TMEM229B: variants seen among roughly 807,000 people sequenced by gnomAD.
The protein encoded by TMEM229B is chromosome 14 open reading frame 83.
Under a neutral mutation model 13.7 loss-of-function variants are expected in TMEM229B, and 6 were observed. The observed-to-expected ratio is 0.44, with a 90% CI of 0.24 to 0.86. TMEM229B has a LOEUF of 0.86. Among genes scored for constraint, TMEM229B ranks in the 40% least tolerant of loss-of-function variants. The probability of loss-of-function intolerance (pLI) is 0.23; values close to 1 mark genes in which losing one functional copy is unlikely to be tolerated. For missense variants in TMEM229B, 170 were observed against 236.0 expected, an observed-to-expected ratio of 0.72 and a Z score of 1.83; for synonymous variants, 107 against 102.1, an observed-to-expected ratio of 1.05 and a Z score of -0.29.
intron 2 of TMEM229B, among the ~76,000 whole-genome samples, chr14:67,479,803 T>G (rs1458764590): frequency 6.6e-6 from 1 of 152,246 alleles, no homozygotes; most frequent in Non-Finnish European, 1.5e-5. Flanking sequence ...ATGAATTTGC[T>G]AAGCAAATGA....
At chr14:67,484,538 C>T (rs955212213) in intron 2 of TMEM229B, among the ~76,000 whole-genome samples, 3 of 152,190 alleles carry the variant, frequency 2.0e-5, no homozygotes, top group African/African-American at 7.2e-5. Context: ...CCTGTAATCA[C>T]ACATCTTAGA....
intron 1 of TMEM229B, among the ~76,000 whole-genome samples, chr14:67,512,376 A>G (rs916854665): frequency 6.6e-6 from 1 of 152,260 alleles, no homozygotes; most frequent in African/African-American, 2.4e-5. Context: ...TCAGCTCAGA[A>G]CATGAGAATC....
upstream of TMEM229B, among the ~76,000 whole-genome samples, chr14:67,517,134 A>G (rs1036092772): frequency 6.6e-6 from 1 of 152,224 alleles, no homozygotes; most frequent in Admixed American, 6.5e-5. Context: ...CGCAGGAGAC[A>G]GTGTCTCAGG....
chr14:67,508,916 G>T (rs986422596), intron 1 of TMEM229B, among the ~76,000 whole-genome samples: 7 of 152,018 alleles, frequency 4.6e-5, no homozygotes, highest in Non-Finnish European at 8.8e-5. Flanking sequence ...GCTCAGTGTA[G>T]CTGGGACCCC....
Position 67,473,382 on chromosome 14 carries a change from T to C in TMEM229B, c.*38A>G. ...CAGCTTGGTCTCTTTGTCCATGAGT[T>C]CCATGAGAGATCCCCAGGCCCCCCA... is the stretch of plus-strand genomic sequence containing the variant. On this transcript the variant is annotated 3_prime_UTR_variant, in exon 3 of 3. Transcript: ENST00000554480. The surrounding 1 kb of genome is among the most constrained non-coding windows in gnomAD (Gnocchi z 6.5). 1 of 1,601,994 alleles carries C rather than the reference T, an allele frequency of 6.2e-7. No individual in the cohort carries two copies. The highest frequency in any genetic ancestry group is 8.5e-7 in the Non-Finnish European group (1 of 1,174,616).
intron 2 of TMEM229B, among the ~76,000 whole-genome samples, chr14:67,485,205 G>A (rs2031803217): frequency 1.3e-5 from 2 of 152,210 alleles, no homozygotes; most frequent in Non-Finnish European, 2.9e-5. Flanking sequence ...TTGCTCTGGG[G>A]AGATGTGCCT....
chr14:67,530,700 C>CA lies in TMEM229B; in HGVS notation c.-192+2935dup, dbSNP rs566434782. Among the ~76,000 whole-genome samples the CA allele has an allele frequency of 9.2e-5, 14 of 152,258 alleles. No individual in the cohort carries two copies. The South Asian group carries it at 1.9e-3, about 20-fold the overall frequency. On this transcript the variant is annotated intron_variant, in intron 1 of 2. Coordinates refer to the TMEM229B transcript ENST00000554278. ...TTTTATTGGTGAAATAAGCAGTTTT[C>CA]AAAACATGGAGTTGGCCAGGAAGAT...
In TMEM229B at chr14:67,475,636, C is replaced by T. The variant is rs192349803; in HGVS notation, c.-18-1695G>A. Among the ~76,000 whole-genome samples, 3 of 152,294 alleles carry T rather than the reference C, an allele frequency of 2.0e-5. No individual in the cohort carries two copies. The East Asian group carries it at 5.8e-4, about 29-fold the overall frequency. On this transcript the variant is annotated intron_variant, in intron 2 of 2. Transcript: ENST00000554480. ...CATTGTGGTCACATTTGTCTTTGCT[C>T]CATTAAATGGGGTTTTGGTGTTTGG...
upstream of TMEM229B, among the ~76,000 whole-genome samples, chr14:67,517,282 C>G (rs577022764): frequency 1.6e-4 from 24 of 152,328 alleles, no homozygotes; most frequent in East Asian, 4.4e-3. Context: ...GCAGCTGGCT[C>G]TCCCCCAGGC....
chr14:67,483,529 G>A (rs1174760455), intron 2 of TMEM229B, among the ~76,000 whole-genome samples: 2 of 152,320 alleles, frequency 1.3e-5, no homozygotes, highest in Non-Finnish European at 2.9e-5. Flanking sequence ...GAACTTCTAG[G>A]TGGTTCATTA....
At chr14:67,521,974 A>G (rs1180206252) in intron 1 of TMEM229B, among the ~76,000 whole-genome samples, 2 of 152,108 alleles carry the variant, frequency 1.3e-5, no homozygotes, top group Admixed American at 1.3e-4. Context: ...CAAGAGTTCA[A>G]TATCAGCCTG....
upstream of TMEM229B, among the ~76,000 whole-genome samples, chr14:67,489,717 G>A (rs1036185482): frequency 3.9e-5 from 6 of 152,194 alleles, no homozygotes; most frequent in Non-Finnish European, 7.3e-5. Flanking sequence ...GTAGCCGGGC[G>A]CGGTGGCTCA....
intron 2 of TMEM229B, among the ~76,000 whole-genome samples, chr14:67,483,293 G>A (rs979160008): frequency 2.0e-5 from 3 of 152,170 alleles, no homozygotes; most frequent in African/African-American, 7.2e-5. Context: ...TTATAGGCAC[G>A]AGTCACCACA....
Position 67,497,157 on chromosome 14 carries a change from C to T in TMEM229B, c.-191-9985G>A, listed in dbSNP as rs549099146. Among the ~76,000 whole-genome samples, 16 of 152,092 alleles carry T rather than the reference C, an allele frequency of 1.1e-4. No individual in the cohort carries two copies. The South Asian group carries it at 3.1e-3, about 30-fold the overall frequency. ...TTTAAATGGTAAGGAGAAATCACAG[C>T]GAGGGAGAGCTCGTGGGTGGTGTAT... On this transcript the variant is annotated intron_variant, in intron 1 of 2. Transcript: ENST00000357461.
intron 1 of TMEM229B, among the ~76,000 whole-genome samples, chr14:67,508,753 C>CAAAAAAAAAAGAAAAAA (rs2032920422): frequency 2.1e-5 from 1 of 46,714 alleles, no homozygotes; most frequent in Non-Finnish European, 4.7e-5. Flanking sequence ...AACCTTGTCT[C>CAAAAAAAAAAGAAAAAA]AAAAAAAAAA....
chr14:67,494,999 G>A (rs981657864), intron 1 of TMEM229B, among the ~76,000 whole-genome samples: 2 of 152,160 alleles, frequency 1.3e-5, no homozygotes, highest in African/African-American at 2.4e-5. Flanking sequence ...TTAATCACAG[G>A]TGAATCTGGG....
At chr14:67,508,501 C>T (rs1447570570) in intron 1 of TMEM229B, among the ~76,000 whole-genome samples, 1 of 152,136 alleles carries the variant, frequency 6.6e-6, no homozygotes, top group Non-Finnish European at 1.5e-5. Context: ...TTCCATCATA[C>T]AGCCTCACGC....
chr14:67,484,040 C>A (rs1444092704), intron 2 of TMEM229B, among the ~76,000 whole-genome samples: 1 of 152,234 alleles, frequency 6.6e-6, no homozygotes, highest in Non-Finnish European at 1.5e-5. Flanking sequence ...GGCTGCCTTG[C>A]TGTTACCATT....
intron 2 of TMEM229B, among the ~76,000 whole-genome samples, chr14:67,480,661 C>T (rs1054163895): frequency 6.6e-6 from 1 of 152,174 alleles, no homozygotes; most frequent in East Asian, 1.9e-4. Flanking sequence ...ATGACCTGCA[C>T]GTATCCCCCT....
Sources: allele counts gnomAD v4.1 joint callset (sites outside exome capture counted in the v4.1 genomes callset), GRCh38; gene constraint gnomAD v4.1.1; non-coding constraint Gnocchi (gnomAD v3.1); transcripts MANE v1.5; gene names NCBI Gene and HGNC (gene_info 2026-07-23, HGNC 2026-07-21).